Variants in FAM193A observed in about 807,000 individuals in gnomAD.
The protein encoded by FAM193A is protein FAM193A.
FAM193A carries 22 observed loss-of-function variants against 126.5 expected under a neutral mutation model. That is an observed-to-expected ratio of 0.17 (90% CI 0.12 to 0.25). The LOEUF is 0.25. FAM193A is among the 10% of genes least tolerant of loss of function. FAM193A has a pLI of 1.00. For missense variants in FAM193A, 1,675 were observed against 1,672.8 expected, an observed-to-expected ratio of 1.00 and a Z score of -0.02; for synonymous variants, 761 against 646.8, an observed-to-expected ratio of 1.18 and a Z score of -2.68.
At chr4:2,613,921 C>T (rs890947125) in intron 2 of FAM193A, among the ~76,000 whole-genome samples, 3 of 151,876 alleles carry the variant, frequency 2.0e-5, no homozygotes, top group African/African-American at 4.8e-5. Flanking sequence ...ATTACAGGTG[C>T]GTACCACCAT....
At chr4:2,691,158 C>T (rs1459815682) in intron 15 of FAM193A, among the ~76,000 whole-genome samples, 188 bp downstream of exon 15, 1 of 152,248 alleles carries the variant, frequency 6.6e-6, no homozygotes, top group African/African-American at 2.4e-5. Flanking sequence ...AGAATTTTAG[C>T]TGTTGTGCTA....
intron 6 of FAM193A, among the ~76,000 whole-genome samples, chr4:2,643,811 C>T (rs894846746): frequency 6.6e-6 from 1 of 152,204 alleles, no homozygotes. Flanking sequence ...CTGCTCAGAT[C>T]CCCTGGCAGG....
intron 2 of FAM193A, among the ~76,000 whole-genome samples, chr4:2,624,728 G>A (rs971325062): frequency 6.6e-6 from 1 of 152,188 alleles, no homozygotes; most frequent in Non-Finnish European, 1.5e-5. Context: ...TTTATATAGA[G>A]ATGAGGTCTT....
upstream of FAM193A, among the ~76,000 whole-genome samples, chr4:2,536,230 T>C (rs909224513): frequency 1.3e-5 from 2 of 151,238 alleles, no homozygotes; most frequent in Non-Finnish European, 3.0e-5. Flanking sequence ...GCCAGCCGTG[T>C]AGTTTGCCTC....
intron 1 of FAM193A, among the ~76,000 whole-genome samples, chr4:2,543,741 T>G (rs1349082180): frequency 1.3e-5 from 2 of 151,490 alleles, no homozygotes; most frequent in Non-Finnish European, 2.9e-5. Context: ...GCCTGTAATC[T>G]CAGCTACTCA....
chr4:2,566,192 C>A (rs548647413), intron 1 of FAM193A, among the ~76,000 whole-genome samples: 1 of 152,082 alleles, frequency 6.6e-6, no homozygotes, highest in African/African-American at 2.4e-5. Flanking sequence ...GGACTACAGG[C>A]GCCCGCCACC....
chr4:2,699,573 T>C, intron 18 of FAM193A, 107 bp from the exon 19 acceptor site: 2 of 1,098,502 alleles, frequency 1.8e-6, no homozygotes, highest in Non-Finnish European at 2.6e-6. Context: ...CTCTTCAGAG[T>C]TTATGTTCCA....
chr4:2,723,702 C>G lies in FAM193A; in HGVS notation c.4454+7598C>G, dbSNP rs573536390. Among the ~76,000 whole-genome samples, 6 of 152,294 alleles carry G rather than the reference C, an allele frequency of 3.9e-5. No individual in the cohort carries two copies. In the South Asian group the frequency reaches 1.2e-3, roughly 32 times the overall value. ...TAAGATCATCACAAAAGAAGTTATT[C>G]ATTTAACCAAACTAATAATTCAAAG... is the stretch of plus-strand genomic sequence containing the variant. On this transcript the variant is annotated intron_variant, in intron 20 of 20. Coordinates refer to ENST00000637812, the MANE Select transcript of FAM193A (RefSeq NM_001366318.2).
intron 1 of FAM193A, among the ~76,000 whole-genome samples, chr4:2,561,763 C>G (rs1224257392): frequency 6.6e-6 from 1 of 152,152 alleles, no homozygotes; most frequent in Non-Finnish European, 1.5e-5. Context: ...TCCCAAAGTG[C>G]TGGGATTACA....
chr4:2,556,444 T>TCTGC (rs1396578094), intron 1 of FAM193A, among the ~76,000 whole-genome samples: 1 of 152,002 alleles, frequency 6.6e-6, no homozygotes, highest in Non-Finnish European at 1.5e-5. Context: ...GACCTCATGA[T>TCTGC]CTGCCTGCCT....
chr4:2,571,891 C>T (rs904769427), intron 1 of FAM193A, among the ~76,000 whole-genome samples: 14 of 148,680 alleles, frequency 9.4e-5, no homozygotes, highest in Admixed American at 4.0e-4. Flanking sequence ...AAAGGCCAGG[C>T]GCTGTGGCTC....
At chr4:2,592,169 G>A (rs1016989335) in intron 1 of FAM193A, among the ~76,000 whole-genome samples, 1 of 152,000 alleles carries the variant, frequency 6.6e-6, no homozygotes, top group Admixed American at 6.6e-5. Context: ...TCCGCTTGCC[G>A]CAACCTCCGC....
chr4:2,545,158 A>G (rs1299896125), intron 1 of FAM193A, among the ~76,000 whole-genome samples: 1 of 151,958 alleles, frequency 6.6e-6, no homozygotes, highest in Non-Finnish European at 1.5e-5. Context: ...ATGCCCAGCT[A>G]ATTTTCGTAT....
intron 12 of FAM193A, among the ~76,000 whole-genome samples, chr4:2,671,285 C>G (rs1367623160): frequency 6.6e-6 from 1 of 152,230 alleles, no homozygotes; most frequent in African/African-American, 2.4e-5. Flanking sequence ...ATTTCTGTCT[C>G]CTTTGCCACT....
chr4:2,676,139 C>T (rs540485322), intron 13 of FAM193A, among the ~76,000 whole-genome samples: 5 of 152,254 alleles, frequency 3.3e-5, no homozygotes, highest in Non-Finnish European at 4.4e-5. Flanking sequence ...GGTGTGTACC[C>T]GGAAGTGGAA....
chr4:2,684,459 A>G (rs1165756105), intron 13 of FAM193A, among the ~76,000 whole-genome samples: 1 of 150,500 alleles, frequency 6.6e-6, no homozygotes, highest in Non-Finnish European at 1.5e-5. Flanking sequence ...TTTCACACAT[A>G]GTTACTCTGT....
rs1257480257 is a variant in FAM193A at position 2,635,246 on chromosome 4, C to G, written c.1038+4077C>G. Among the ~76,000 whole-genome samples the G allele has an allele frequency of 3.3e-5, 5 of 152,198 alleles. No homozygotes were observed. The East Asian group carries it at 9.6e-4, about 29-fold the overall frequency. Reference sequence around the variant, plus strand: ...TTACACTGCCATCCAGTGATCTATGCAGCACCAGCTTAAGATAAACTCGGT... The same window carrying G: ...TTACACTGCCATCCAGTGATCTATGGAGCACCAGCTTAAGATAAACTCGGT... On this transcript the variant is annotated intron_variant, in intron 5 of 20. Transcript: ENST00000637812.
At chr4:2,726,197 C>T (rs1223160993) in intron 20 of FAM193A, among the ~76,000 whole-genome samples, 2 of 152,194 alleles carry the variant, frequency 1.3e-5, no homozygotes, top group Non-Finnish European at 2.9e-5. Flanking sequence ...CCACGCCCAG[C>T]CTCAGCTAAT....
intron 1 of FAM193A, among the ~76,000 whole-genome samples, chr4:2,561,727 T>A (rs1738627743): frequency 6.6e-6 from 1 of 150,500 alleles, no homozygotes; most frequent in Admixed American, 6.6e-5. Context: ...GAACTCCTGA[T>A]CTCAAGTGAT....
Sources: gnomAD v4.1 joint callset for allele counts (sites outside exome capture counted in the v4.1 genomes callset) on GRCh38, gnomAD v4.1.1 for gene constraint, MANE v1.5 for transcripts, NCBI Gene and HGNC (gene_info 2026-07-23, HGNC 2026-07-21) for gene names.